The following RRP1 variants were observed in gnomAD, a reference collection of about 807,000 sequenced individuals.
RRP1 encodes the protein ribosomal RNA processing protein 1 homolog A.
In RRP1, 37 loss-of-function variants were observed where a neutral mutation model predicts 54.6. That is an observed-to-expected ratio of 0.68 (90% confidence interval 0.52 to 0.89). The LOEUF (loss-of-function observed/expected upper bound fraction) is 0.89. Ranked by LOEUF, RRP1 falls within the 40% of genes least tolerant of loss-of-function variation. The probability of loss-of-function intolerance (pLI) is 0.00; values close to 1 mark genes in which losing one functional copy is unlikely to be tolerated. For missense variants in RRP1, 639 were observed against 612.5 expected (o/e 1.04, Z -0.46); for synonymous variants, 262 against 244.3 (o/e 1.07, Z -0.67).
Position 43,800,241 on chromosome 21 carries a change from G to A in RRP1, c.892-276G>A, listed in dbSNP as rs547999222. 2.6e-3 allele frequency among the ~76,000 whole-genome samples: 398 copies of A among 152,344 alleles called. 1 individual carries two copies. The highest frequency in any genetic ancestry group is 8.6e-3 in the African/African-American group (357 of 41,582). ...GTAAAGCTGCAGGCAGGCTACCGGC[G>A]GGCGTGTGCCCTGCAGTGTGCCCCG... On this transcript the variant is annotated intron_variant, in intron 9 of 12. Transcript: ENST00000497547.
chr21:43,797,168 A>G (rs1327857077), intron 5 of RRP1, among the ~76,000 whole-genome samples: 3 of 152,362 alleles, frequency 2.0e-5, no homozygotes, highest in East Asian at 1.9e-4. Flanking sequence ...TGTAGCTGAC[A>G]TGCACACTCA....
chr21:43,797,972 C>T lies in RRP1; in HGVS notation c.683C>T (p.Ala228Val). 6.2e-7 allele frequency: 1 copy of T among 1,614,154 alleles called. No individual in the cohort carries two copies. The highest frequency in any genetic ancestry group is 8.5e-7 in the Non-Finnish European group (1 of 1,180,006). Residue 228 changes from alanine to valine, a missense_variant, in exon 8 of 13, where the codon GCC becomes GTC. Coordinates refer to ENST00000497547, the MANE Select transcript of RRP1 (RefSeq NM_003683.6). The part of the protein sequence containing the change: ...FETIVEQAPL[A>V]IEDLLNELDT... The stretch of plus-strand genomic sequence containing the variant: ...ACGATTGTGGAGCAGGCCCCGCTTG[C>T]CATTGAAGACCTCCTGAATGAACTG...
At chr21:43,801,430 A>G (rs8128568) in intron 11 of RRP1, among the ~76,000 whole-genome samples, 6,170 of 152,288 alleles carry the variant, frequency 0.041, 405 homozygotes, top group African/African-American at 0.14. Flanking sequence ...ACACCCCTGC[A>G]TCCGCCAGCG....
At position 43,789,750 on chromosome 21, in the gene RRP1, C is replaced by G; in HGVS notation, c.121C>G (p.Gln41Glu). 6.6e-7 allele frequency: 1 copy of G among 1,520,168 alleles called. No individual in the cohort carries two copies. Among genetic ancestry groups the G allele is most frequent in the Non-Finnish European group, 8.8e-7 (1 of 1,132,624 alleles). 94.2% of individuals were successfully genotyped at this position (1,520,168 alleles called of 1,614,324 possible). ...CCGGAAATACATCGTCGCCAGGACTCAGCGGGCCGCAGGTTGGCGGGGGTG... is the reference window on the plus strand; with the variant it reads ...CCGGAAATACATCGTCGCCAGGACTGAGCGGGCCGCAGGTTGGCGGGGGTG... ...KLRKYIVART[Q>E]RAAGGFTHDE... Residue 41 changes from glutamine to glutamate, a missense_variant, in exon 1 of 13, where the codon CAG becomes GAG. Gln to Glu is a conservative substitution (Grantham distance 29). Transcript: ENST00000497547.
chr21:43,797,725 A>G (rs1270625453), intron 7 of RRP1, 30 bp downstream of exon 7: 1 of 1,609,184 alleles, frequency 6.2e-7, no homozygotes, highest in Non-Finnish European at 8.5e-7. Context: ...ATCGGGCCCG[A>G]CTCCTTCACT....
rs757253854 is a variant in RRP1 at position 43,797,705 on chromosome 21, G to A, written c.617+10G>A. On this transcript the variant is annotated intron_variant, in intron 7 of 12. Coordinates refer to ENST00000497547, the MANE Select transcript of RRP1 (RefSeq NM_003683.6). ...CTGCCCGGACCAAGGAGTAAGTGGT[G>A]GGTGGCCTGATCGGGCCCGACTCCT... 10 of 1,613,176 alleles carry A rather than the reference G, an allele frequency of 6.2e-6. No individual in the cohort carries two copies. In the South Asian group the frequency reaches 9.9e-5, roughly 16 times the overall value.
At chr21:43,801,163 G>A (rs1017320276) in intron 11 of RRP1, among the ~76,000 whole-genome samples, 2 of 152,230 alleles carry the variant, frequency 1.3e-5, no homozygotes, top group Admixed American at 6.5e-5. Flanking sequence ...CCGCGGTGCT[G>A]CTGCTGGTCT....
At chr21:43,802,064 G>C (rs1429516930) in intron 11 of RRP1, among the ~76,000 whole-genome samples, 1 of 152,138 alleles carries the variant, frequency 6.6e-6, no homozygotes, top group African/African-American at 2.4e-5. Context: ...GATGCTCCAG[G>C]AACTGGCTTT....
chr21:43,789,687 A>T lies in RRP1; in HGVS notation c.58A>T (p.Asn20Tyr). Residue 20 changes from asparagine to tyrosine, a missense_variant, in exon 1 of 13, where the codon AAT becomes TAT. Physicochemically the swap from Asn to Tyr is moderately radical, Grantham distance 143. Coordinates refer to ENST00000497547, the MANE Select transcript of RRP1 (RefSeq NM_003683.6). ...EIQLAQRLAG[N>Y]EQVTRDRAVR... is the part of the protein sequence containing the mutation. ...CCAGCTGGCTCAGCGCCTGGCGGGG[A>T]ATGAGCAGGTGACCCGGGACCGGGC... 6.4e-7 allele frequency: 1 copy of T among 1,566,462 alleles called. No individual in the cohort carries two copies. The highest frequency in any genetic ancestry group is 8.6e-7 in the Non-Finnish European group (1 of 1,157,176).
In RRP1 at chr21:43,800,538, A is replaced by G. The variant is rs2085076090; in HGVS notation, c.913A>G (p.Asn305Asp). The G allele has an allele frequency of 6.2e-7, 1 of 1,614,126 alleles. No individual in the cohort carries two copies. The highest frequency in any genetic ancestry group is 1.3e-5 in the African/African-American group (1 of 74,956). The part of the protein sequence containing the change: ...VLQFDYEAVA[N>D]RLFEMASRQS... ...ACAGTTTGACTACGAGGCAGTTGCT[A>G]ACAGACTGTTTGAAATGGCCAGCCG... is the stretch of plus-strand genomic sequence containing the variant. Residue 305 changes from asparagine (N) to aspartate (D), a missense_variant, in exon 10 of 13, where the codon AAC becomes GAC. Transcript: ENST00000497547.
intron 3 of RRP1, chr21:43,792,991 G>T: frequency 1.8e-6 from 1 of 563,326 alleles, no homozygotes; most frequent in Non-Finnish European, 3.1e-6. Context: ...AAAGTGAAAA[G>T]CCAGGATAAT....
In RRP1 at chr21:43,789,667, T is replaced by A; in HGVS notation, c.38T>A (p.Leu13Gln). The change falls in exon 1 of 13, where the codon CTG becomes CAG. Residue 13 changes from leucine (L) to glutamine (Q), a missense_variant. Physicochemically the swap from Leu to Gln is moderately radical, Grantham distance 113. Coordinates refer to ENST00000497547, the MANE Select transcript of RRP1 (RefSeq NM_003683.6). ...GTGCAGCTCCCGCCTGAGATCCAGC[T>A]GGCTCAGCGCCTGGCGGGGAATGAG... ...SRVQLPPEIQ[L>Q]AQRLAGNEQV... The A allele has an allele frequency of 6.3e-7, 1 of 1,578,296 alleles. No individual in the cohort carries two copies. The highest frequency in any genetic ancestry group is 1.2e-5 in the South Asian group (1 of 86,574).
chr21:43,800,983 CTT>C (rs1205483655), intron 11 of RRP1, 102 bp downstream of exon 11: 1 of 1,263,964 alleles, frequency 7.9e-7, no homozygotes, highest in Non-Finnish European at 1.2e-6. Context: ...CGTGGAGTCT[CTT>C]TGCAGAGAGG....
intron 4 of RRP1, among the ~76,000 whole-genome samples, chr21:43,794,912 C>G (rs1334119565): frequency 6.6e-6 from 1 of 151,466 alleles, no homozygotes; most frequent in African/African-American, 2.4e-5. Context: ...GTAGGACTGT[C>G]CCCTATTACC....
intron 3 of RRP1, chr21:43,793,074 G>A: frequency 1.8e-6 from 1 of 561,874 alleles, no homozygotes; most frequent in Non-Finnish European, 3.1e-6. Flanking sequence ...TGACTCCTCT[G>A]TTCTCTGGTG....
Position 43,797,616 on chromosome 21 carries a change from T to C in RRP1, c.553-15T>C. 2 of 1,614,192 alleles carry C rather than the reference T, an allele frequency of 1.2e-6. No homozygotes were observed. The highest frequency in any genetic ancestry group is 1.7e-6 in the Non-Finnish European group (2 of 1,180,020). ...TGTGGAGGAGGAACTGAGCTCCCGC[T>C]GGCTTTCCCCGTAGCTTACGGCAGA... On this transcript the variant is annotated splice_polypyrimidine_tract_variant and intron_variant, in intron 6 of 12. Transcript: ENST00000497547.
intron 4 of RRP1, among the ~76,000 whole-genome samples, chr21:43,794,925 C>CT (rs570916940): frequency 0.052 from 7,901 of 152,256 alleles, 270 homozygotes; most frequent in South Asian, 0.15. Context: ...CTATTACCCC[C>CT]GACCCCCCAT....
At chr21:43,797,756 T>C in intron 7 of RRP1, 61 bp downstream of exon 7, 4 of 1,596,010 alleles carry the variant, frequency 2.5e-6, no homozygotes. Flanking sequence ...ATGGGGCTGC[T>C]GTTGTGGGGG....
chr21:43,795,711 C>T (rs769813079), intron 5 of RRP1, among the ~76,000 whole-genome samples: 4 of 152,290 alleles, frequency 2.6e-5, no homozygotes, highest in East Asian at 1.9e-4. Flanking sequence ...ACCAGGCCCA[C>T]GTAATTTTTG....
Sources: allele counts gnomAD v4.1 joint callset (sites outside exome capture counted in the v4.1 genomes callset), GRCh38; gene constraint gnomAD v4.1.1; transcripts MANE v1.5; gene names NCBI Gene and HGNC (gene_info 2026-07-23, HGNC 2026-07-21).